Variants in FHIP1A observed in about 807,000 individuals in gnomAD.
FHIP1A encodes the protein FHF complex subunit HOOK interacting protein 1A.
A neutral mutation model predicts 88.6 loss-of-function variants in FHIP1A; 61 were observed. The ratio of observed to expected loss-of-function variants is 0.69; its 90% confidence interval spans 0.56 to 0.85. The LOEUF (loss-of-function observed/expected upper bound fraction) is 0.85. FHIP1A is among the 40% of genes least tolerant of loss of function. The pLI, the probability that FHIP1A is intolerant of heterozygous loss-of-function variation, is 0.00. For missense variants in FHIP1A, 1,154 were observed against 1,273.5 expected (o/e 0.91, Z 1.43); for synonymous variants, 478 against 496.0 (o/e 0.96, Z 0.48).
chr4:151,586,828 G>T, intron 6 of FHIP1A, 29 bp downstream of exon 6: 1 of 1,498,100 alleles, frequency 6.7e-7, no homozygotes, highest in African/African-American at 1.4e-5. Context: ...GGATCCCTTT[G>T]CTATGGCTTC....
chr4:151,477,449 G>A (rs1292230645), intron 2 of FHIP1A, among the ~76,000 whole-genome samples: 1 of 152,070 alleles, frequency 6.6e-6, no homozygotes, highest in African/African-American at 2.4e-5. Flanking sequence ...CTTGGAGTAT[G>A]TACATACGGC....
At chr4:151,489,621 C>T (rs971872591) in intron 3 of FHIP1A, among the ~76,000 whole-genome samples, 4 of 152,142 alleles carry the variant, frequency 2.6e-5, no homozygotes, top group African/African-American at 9.7e-5. Flanking sequence ...TGGATATAAA[C>T]TCAGTGCTGT....
chr4:151,634,309 TATTTTC>T (rs1344418375), intron 8 of FHIP1A, among the ~76,000 whole-genome samples: 1 of 151,802 alleles, frequency 6.6e-6, no homozygotes, highest in Non-Finnish European at 1.5e-5. Flanking sequence ...TTGAAAAACT[TATTTTC>T]ATTAAAATGG....
At chr4:151,567,597 T>C (rs920557222) in intron 4 of FHIP1A, among the ~76,000 whole-genome samples, 2 of 152,200 alleles carry the variant, frequency 1.3e-5, no homozygotes, top group Non-Finnish European at 2.9e-5. Context: ...TTTGCACTTT[T>C]ATAAATATTT....
Position 151,638,653 on chromosome 4 carries a change from G to C in FHIP1A, c.1147-24G>C, listed in dbSNP as rs181630452. 504 of 1,449,458 alleles carry C rather than the reference G, an allele frequency of 3.5e-4. 2 individuals carry two copies. Among genetic ancestry groups the C allele is most frequent in the Non-Finnish European group, 3.6e-5 (38 of 1,057,712 alleles). 89.8% of individuals were successfully genotyped at this position (1,449,458 alleles called of 1,614,324 possible). A position where few individuals can be genotyped will look rare whatever the true frequency, so the allele number is the denominator to read the frequency against. ...AGTTATCGTTCCAACATCTGAACTA[G>C]AATGTGTGTCTCTTGCTTCCCAGCT... On this transcript the variant is annotated intron_variant, in intron 8 of 13. Transcript: ENST00000435205.
chr4:151,528,577 G>A (rs565624079), intron 3 of FHIP1A, among the ~76,000 whole-genome samples: 1 of 152,332 alleles, frequency 6.6e-6, no homozygotes, highest in Non-Finnish European at 1.5e-5. Context: ...TGAGCATTGG[G>A]TAAGGCTTCA....
chr4:151,640,970 A>G (rs1157644885), intron 9 of FHIP1A, among the ~76,000 whole-genome samples: 1 of 152,054 alleles, frequency 6.6e-6, no homozygotes, highest in South Asian at 2.1e-4. Context: ...CAAGTCAGGG[A>G]TAGTCATTTC....
At chr4:151,608,591 AG>A (rs1222845435) in intron 7 of FHIP1A, among the ~76,000 whole-genome samples, 5 of 152,192 alleles carry the variant, frequency 3.3e-5, no homozygotes, top group African/African-American at 1.2e-4. Flanking sequence ...CCACACTTGG[AG>A]GAGCACTGAT....
intron 4 of FHIP1A, among the ~76,000 whole-genome samples, chr4:151,568,678 C>A (rs1733482144): frequency 6.6e-6 from 1 of 152,036 alleles, no homozygotes; most frequent in East Asian, 1.9e-4. Context: ...ATGCAAGATA[C>A]ATTATTACAA....
At chr4:151,655,135 G>C (rs1362423246) in intron 11 of FHIP1A, among the ~76,000 whole-genome samples, 3 of 152,170 alleles carry the variant, frequency 2.0e-5, no homozygotes, top group Non-Finnish European at 4.4e-5. Flanking sequence ...TATTAATGTT[G>C]GTGACATCTT....
chr4:151,479,049 C>T (rs1729808095), intron 2 of FHIP1A, among the ~76,000 whole-genome samples: 1 of 152,036 alleles, frequency 6.6e-6, no homozygotes, highest in Admixed American at 6.6e-5. Flanking sequence ...AATGTGAAAT[C>T]TCAGGGATTG....
At chr4:151,535,728 C>A (rs1051699102) in intron 3 of FHIP1A, among the ~76,000 whole-genome samples, 1 of 152,182 alleles carries the variant, frequency 6.6e-6, no homozygotes, top group South Asian at 2.1e-4. Flanking sequence ...AAGAATAGTG[C>A]CTGGCCTGTA....
chr4:151,471,184 A>AATAG (rs1729497141), intron 2 of FHIP1A, among the ~76,000 whole-genome samples: 1 of 151,992 alleles, frequency 6.6e-6, no homozygotes. Context: ...TTGGAAACAT[A>AATAG]ATAGATTCAA....
At chr4:151,618,931 A>T (rs997652895) in intron 7 of FHIP1A, among the ~76,000 whole-genome samples, 2 of 152,234 alleles carry the variant, frequency 1.3e-5, no homozygotes, top group African/African-American at 4.8e-5. Context: ...TGATTCCCTG[A>T]TCAGCAAAGA....
intron 11 of FHIP1A, among the ~76,000 whole-genome samples, chr4:151,652,519 C>T (rs933274556): frequency 6.6e-6 from 1 of 152,166 alleles, no homozygotes; most frequent in Admixed American, 6.5e-5. Flanking sequence ...TTTATTGATC[C>T]CCTGAAGTTT....
chr4:151,490,662 T>A (rs1358540423), intron 3 of FHIP1A, among the ~76,000 whole-genome samples: 1 of 151,738 alleles, frequency 6.6e-6, no homozygotes, highest in African/African-American at 2.4e-5. Flanking sequence ...TCTGAATTGC[T>A]AGATGAAGAA....
intron 3 of FHIP1A, among the ~76,000 whole-genome samples, chr4:151,499,256 A>G (rs980872504): frequency 2.4e-4 from 37 of 151,936 alleles, no homozygotes; most frequent in African/African-American, 8.0e-4. Context: ...TTTTTTGCCT[A>G]CTTGTTTCCT....
intron 3 of FHIP1A, among the ~76,000 whole-genome samples, chr4:151,551,850 A>C (rs560444109): frequency 6.6e-6 from 1 of 152,302 alleles, no homozygotes; most frequent in South Asian, 2.1e-4. Flanking sequence ...TAATTAAACT[A>C]AAGAGTGCAC....
intron 7 of FHIP1A, among the ~76,000 whole-genome samples, chr4:151,600,942 A>T (rs554168286): frequency 6.6e-6 from 1 of 152,174 alleles, no homozygotes; most frequent in Non-Finnish European, 1.5e-5. Flanking sequence ...TCACACAGAG[A>T]CCACTCAATT....
Sources: gnomAD v4.1 joint callset for allele counts (sites outside exome capture counted in the v4.1 genomes callset) on GRCh38, gnomAD v4.1.1 for gene constraint, MANE v1.5 for transcripts, NCBI Gene and HGNC (gene_info 2026-07-23, HGNC 2026-07-21) for gene names.